The following ATG4C variants were observed in gnomAD, a reference collection of about 807,000 sequenced individuals.
ATG4C encodes autophagy related 4C cysteine peptidase.
A neutral mutation model predicts 57.6 loss-of-function variants in ATG4C; 56 were observed. The ratio of observed to expected loss-of-function variants is 0.97; its 90% CI spans 0.78 to 1.21. ATG4C has a LOEUF of 1.21. ATG4C is among the 50% of genes most tolerant of loss of function. The pLI is 0.00. For synonymous variants in ATG4C, 157 were observed against 174.1 expected (o/e 0.90, Z 0.78); for missense variants, 595 against 529.8 (o/e 1.12, Z -1.21).
In ATG4C at chr1:62,834,098, T is replaced by A; in HGVS notation, c.994T>A (p.Tyr332Asn). The A allele has an allele frequency of 3.1e-6, 5 of 1,612,940 alleles. No homozygotes were observed. Among genetic ancestry groups the A allele is most frequent in the Non-Finnish European group, 4.2e-6 (5 of 1,179,296 alleles). Residue 332 changes from tyrosine to asparagine, a missense_variant, in exon 8 of 11, where the codon TAC becomes AAC. Transcript: ENST00000317868. Reference sequence around the variant, plus strand: ...TGGTGGCAAACCTAAACAGTCATATTACTTTGCTGGATTTCAAGGTTAGTG... The same window carrying A: ...TGGTGGCAAACCTAAACAGTCATATAACTTTGCTGGATTTCAAGGTTAGTG... The part of the protein sequence containing the change: ...IIGGKPKQSY[Y>N]FAGFQDDSLI...
At chr1:62,790,881 A>G (rs1022626105) in intron 1 of ATG4C, among the ~76,000 whole-genome samples, 7 of 152,234 alleles carry the variant, frequency 4.6e-5, no homozygotes, top group Admixed American at 3.9e-4. Context: ...CTTTTAACTG[A>G]TGATACAATT....
chr1:62,824,724 GT>G (rs1190286678), intron 6 of ATG4C, among the ~76,000 whole-genome samples: 1 of 148,064 alleles, frequency 6.8e-6, no homozygotes, highest in East Asian at 2.0e-4. Flanking sequence ...CTGGAGTGCA[GT>G]GGTGCGATCA....
chr1:62,821,232 A>G (rs1224843455), intron 6 of ATG4C, 23 bp downstream of exon 6: 5 of 1,479,698 alleles, frequency 3.4e-6, no homozygotes, highest in Admixed American at 4.4e-5. Context: ...TATAATTCTA[A>G]TCTTTGTTTT....
intron 6 of ATG4C, among the ~76,000 whole-genome samples, chr1:62,827,539 G>C (rs79139506): frequency 6.6e-6 from 1 of 151,976 alleles, no homozygotes; most frequent in African/African-American, 2.4e-5. Context: ...TCCTCCATTA[G>C]CATGCATGCT....
At chr1:62,854,049 A>T (rs574104460) in intron 10 of ATG4C, among the ~76,000 whole-genome samples, 1 of 151,716 alleles carries the variant, frequency 6.6e-6, no homozygotes, top group Non-Finnish European at 1.5e-5. Flanking sequence ...TTCAATTAGG[A>T]TGCTTACATT....
At chr1:62,792,283 C>G (rs1207352147) in intron 1 of ATG4C, among the ~76,000 whole-genome samples, 2 of 152,194 alleles carry the variant, frequency 1.3e-5, no homozygotes. Context: ...GTGTGAGCCA[C>G]CACGCCCGGC....
intron 6 of ATG4C, among the ~76,000 whole-genome samples, chr1:62,826,009 G>A (rs1158834492): frequency 1.3e-5 from 2 of 152,064 alleles, no homozygotes; most frequent in African/African-American, 4.8e-5. Flanking sequence ...CCAGGTTCAA[G>A]CGATTCTTTT....
At chr1:62,814,447 G>A (rs1665196091) in intron 3 of ATG4C, among the ~76,000 whole-genome samples, 1 of 152,126 alleles carries the variant, frequency 6.6e-6, no homozygotes, top group Admixed American at 6.5e-5. Flanking sequence ...GCCTGTCAGT[G>A]GGTGGGGGAC....
At chr1:62,826,781 C>T (rs1274055230) in intron 6 of ATG4C, among the ~76,000 whole-genome samples, 1 of 145,290 alleles carries the variant, frequency 6.9e-6, no homozygotes, top group Non-Finnish European at 1.5e-5. Flanking sequence ...TGTGATGTTC[C>T]CCACCCTGTG....
intron 9 of ATG4C, among the ~76,000 whole-genome samples, chr1:62,837,810 A>G (rs1452493229): frequency 6.6e-6 from 1 of 152,034 alleles, no homozygotes; most frequent in Admixed American, 6.6e-5. Flanking sequence ...TGGGTGGAGG[A>G]TAGGGTCTTG....
At chr1:62,862,352 G>A (rs1666882176) in intron 10 of ATG4C, among the ~76,000 whole-genome samples, 1 of 151,996 alleles carries the variant, frequency 6.6e-6, no homozygotes, top group African/African-American at 2.4e-5. Context: ...TTGAAAGAAA[G>A]GATGAAGAGA....
intron 2 of ATG4C, 69 bp from the exon 3 acceptor site, chr1:62,805,103 C>A: frequency 6.9e-7 from 1 of 1,457,148 alleles, no homozygotes; most frequent in South Asian, 1.5e-5. Flanking sequence ...AAAGAAAACG[C>A]TGCTAGACTT....
At chr1:62,850,864 A>G (rs1166117860) in intron 10 of ATG4C, among the ~76,000 whole-genome samples, 8,560 of 68,116 alleles carry the variant, frequency 0.13, 644 homozygotes, top group African/African-American at 0.3. Flanking sequence ...GTATATATAT[A>G]TATATATATA....
At chr1:62,847,639 T>A (rs1666368270) in intron 10 of ATG4C, among the ~76,000 whole-genome samples, 1 of 152,174 alleles carries the variant, frequency 6.6e-6, no homozygotes, top group African/African-American at 2.4e-5. Flanking sequence ...CTAATCATAA[T>A]GGACCTAATA....
At chr1:62,858,323 G>T (rs1666746543) in intron 10 of ATG4C, among the ~76,000 whole-genome samples, 1 of 152,166 alleles carries the variant, frequency 6.6e-6, no homozygotes, top group South Asian at 2.1e-4. Flanking sequence ...GTTGGAGGTG[G>T]TAGTGGTTAC....
chr1:62,806,169 GATAAGTAGGA>G (rs929761048), intron 3 of ATG4C, among the ~76,000 whole-genome samples: 1 of 152,156 alleles, frequency 6.6e-6, no homozygotes, highest in African/African-American at 2.4e-5. Flanking sequence ...AGTCTTGAAG[GATAAGTAGGA>G]ATTTGATAAA....
At chr1:62,795,935 A>G (rs1014776416) in intron 1 of ATG4C, among the ~76,000 whole-genome samples, 1 of 152,104 alleles carries the variant, frequency 6.6e-6, no homozygotes, top group Non-Finnish European at 1.5e-5. Flanking sequence ...TGTGAAGTAT[A>G]TTATTTTGAT....
intron 10 of ATG4C, among the ~76,000 whole-genome samples, chr1:62,852,203 C>T (rs1020025913): frequency 2.6e-5 from 4 of 152,188 alleles, no homozygotes; most frequent in Admixed American, 2.6e-4. Context: ...TACTCATACA[C>T]ACACCATTAT....
At chr1:62,788,179 C>T (rs1231770656) in intron 1 of ATG4C, among the ~76,000 whole-genome samples, 2 of 152,052 alleles carry the variant, frequency 1.3e-5, no homozygotes, top group Non-Finnish European at 2.9e-5. Flanking sequence ...TTTGAACTTG[C>T]TTTTAGCTCT....
Sources: allele counts gnomAD v4.1 joint callset (sites outside exome capture counted in the v4.1 genomes callset), GRCh38; gene constraint gnomAD v4.1.1; transcripts MANE v1.5; gene names NCBI Gene and HGNC (gene_info 2026-07-23, HGNC 2026-07-21).